The following PCDHA6 variants were observed in gnomAD, a reference collection of about 807,000 sequenced individuals.
PCDHA6 encodes protocadherin alpha 6.
Under a neutral mutation model 60.3 loss-of-function variants are expected in PCDHA6, and 55 were observed. The observed-to-expected ratio is 0.91, with a 90% CI of 0.73 to 1.14. The LOEUF (loss-of-function observed/expected upper bound fraction) is 1.14, where lower values mean the gene tolerates loss of function less well. PCDHA6 is among the 50% of genes most tolerant of loss of function. PCDHA6 has a pLI of 0.00. For synonymous variants in PCDHA6, 652 were observed against 557.9 expected (o/e 1.17, Z -2.38); for missense variants, 1,327 against 1,256.5 (o/e 1.06, Z -0.85).
At chr5:140,959,494 T>G (rs2153722388) in intron 1 of PCDHA6, among the ~76,000 whole-genome samples, 1 of 152,286 alleles carries the variant, frequency 6.6e-6, no homozygotes, top group South Asian at 2.1e-4. Flanking sequence ...TATATATGGA[T>G]CAAACTAAAA....
In PCDHA6 at chr5:141,005,071, G is replaced by A. The variant is rs115656219; in HGVS notation, c.2543-4556G>A. On this transcript the variant is annotated intron_variant, in intron 3 of 3. Coordinates refer to ENST00000529310, the MANE Select transcript of PCDHA6 (RefSeq NM_018909.4). ...TACTGAATTCTTGCATTGTGCTAAG[G>A]ATCAAGCTTAGTACTTTACATGCAT... 5.2e-3 allele frequency among the ~76,000 whole-genome samples: 796 copies of A among 152,278 alleles called. 8 individuals are homozygous for A. The highest frequency in any genetic ancestry group is 0.018 in the African/African-American group (745 of 41,556).
chr5:140,986,397 C>G (rs943993265), intron 3 of PCDHA6, among the ~76,000 whole-genome samples: 1 of 152,162 alleles, frequency 6.6e-6, no homozygotes. Context: ...AAGGGCCAGT[C>G]GCTCATGTTA....
At chr5:140,952,349 A>T (rs1554220373) in intron 1 of PCDHA6, among the ~76,000 whole-genome samples, 2 of 152,000 alleles carry the variant, frequency 1.3e-5, no homozygotes, top group African/African-American at 4.8e-5. Flanking sequence ...AAAAAAAAAA[A>T]AAAAAGAAAG....
chr5:141,006,789 CT>C (rs2098288759), intron 3 of PCDHA6, among the ~76,000 whole-genome samples: 2 of 152,026 alleles, frequency 1.3e-5, no homozygotes, highest in Admixed American at 6.5e-5. Flanking sequence ...GAATAATTAG[CT>C]TTGAACTTTC....
At chr5:140,923,266 T>C (rs184590818) in intron 1 of PCDHA6, among the ~76,000 whole-genome samples, 1 of 152,284 alleles carries the variant, frequency 6.6e-6, no homozygotes, top group African/African-American at 2.4e-5. Context: ...TAGTGAGACC[T>C]TGTCTCTACA....
chr5:140,882,284 C>T (rs782560108), intron 1 of PCDHA6: 7 of 1,612,734 alleles, frequency 4.3e-6, no homozygotes, highest in Non-Finnish European at 5.9e-6. Context: ...GTCTTCCTGG[C>T]AAGGAGGCCC....
Position 140,863,381 on chromosome 5 carries a change from G to A in PCDHA6, c.2394+32896G>A, listed in dbSNP as rs1186134797. 4 of 1,058,516 alleles carry A rather than the reference G, an allele frequency of 3.8e-6. No homozygotes were observed. In the African/African-American group the frequency reaches 4.8e-5, roughly 13 times the overall value. 65.6% of individuals were successfully genotyped at this position (1,058,516 alleles called of 1,614,324 possible). ...CGGTGCTTGGCGCAGCTCACCGAGAGCTCGTGCATGCCGGGCAAGCCCACG... is the reference window on the plus strand; with the variant it reads ...CGGTGCTTGGCGCAGCTCACCGAGAACTCGTGCATGCCGGGCAAGCCCACG... On this transcript the variant is annotated intron_variant, in intron 1 of 3. Transcript: ENST00000529310.
intron 1 of PCDHA6, among the ~76,000 whole-genome samples, chr5:140,941,369 T>C (rs2093052615): frequency 6.8e-6 from 1 of 147,356 alleles, no homozygotes; most frequent in Non-Finnish European, 1.5e-5. Context: ...TAGGCTGGAG[T>C]GTAGTGACAG....
intron 3 of PCDHA6, among the ~76,000 whole-genome samples, chr5:140,983,854 T>A (rs1554245766): frequency 6.6e-6 from 1 of 152,206 alleles, no homozygotes; most frequent in Non-Finnish European, 1.5e-5. Flanking sequence ...TTAAGTAACA[T>A]GCAGCTAAGG....
chr5:140,865,532 C>T (rs1340228056), intron 1 of PCDHA6: 1 of 152,096 alleles, frequency 6.6e-6, no homozygotes, highest in Non-Finnish European at 1.5e-5. Context: ...TTCTCTTCAT[C>T]CATAGCTATA....
chr5:140,828,529 G>T lies in PCDHA6; in HGVS notation c.438G>T (p.Arg146Ser). The change falls in exon 1 of 4, where the codon AGG becomes AGT. Residue 146 changes from arginine to serine, a missense_variant. Coordinates refer to ENST00000529310, the MANE Select transcript of PCDHA6 (RefSeq NM_018909.4). ...EEQRVLIYES[R>S]LPDSVFPLEG... Reference sequence around the variant, plus strand: ...AAAGAGTGCTGATTTACGAATCTAGGCTGCCAGATTCTGTGTTTCCACTGG... The same window carrying T: ...AAAGAGTGCTGATTTACGAATCTAGTCTGCCAGATTCTGTGTTTCCACTGG... 1 of 1,614,222 alleles carries T rather than the reference G, an allele frequency of 6.2e-7. No individual in the cohort carries two copies. Among genetic ancestry groups the T allele is most frequent in the Non-Finnish European group, 8.5e-7 (1 of 1,180,038 alleles).
Position 140,829,695 on chromosome 5 carries a change from T to C in PCDHA6, c.1604T>C (p.Val535Ala). Residue 535 changes from valine (V) to alanine (A), a missense_variant, in exon 1 of 4, where the codon GTG (valine) becomes GCG (alanine). Coordinates refer to ENST00000529310, the MANE Select transcript of PCDHA6 (RefSeq NM_018909.4). ...HEELELLQFQ[V>A]SARDAGVPPL... ...GAGCTAGAGCTGCTGCAGTTTCAGG[T>C]GAGCGCGCGCGACGCGGGCGTGCCG... The C allele has an allele frequency of 6.2e-7, 1 of 1,613,284 alleles. No individual in the cohort carries two copies. Among genetic ancestry groups the C allele is most frequent in the Non-Finnish European group, 8.5e-7 (1 of 1,179,864 alleles).
intron 1 of PCDHA6, chr5:140,870,796 C>A (rs1581985922): frequency 6.2e-7 from 1 of 1,613,576 alleles, no homozygotes; most frequent in South Asian, 1.1e-5. Context: ...GCCGGCACTG[C>A]TGGCGACTCA....
At chr5:140,876,048 T>G in intron 1 of PCDHA6, 1 of 1,613,930 alleles carries the variant, frequency 6.2e-7, no homozygotes, top group Non-Finnish European at 8.5e-7. Context: ...GTATATTGCC[T>G]GAATTAGTTC....
intron 1 of PCDHA6, among the ~76,000 whole-genome samples, chr5:140,918,282 C>CT (rs1554198523): frequency 6.6e-6 from 1 of 152,016 alleles, no homozygotes; most frequent in African/African-American, 2.4e-5. Context: ...GATGTAGGAG[C>CT]TTTTTGGCAG....
At chr5:140,962,622 G>A (rs1389569825) in intron 1 of PCDHA6, among the ~76,000 whole-genome samples, 2 of 152,130 alleles carry the variant, frequency 1.3e-5, no homozygotes, top group African/African-American at 2.4e-5. Context: ...AGGGAGATGT[G>A]AAAAAATTTA....
intron 1 of PCDHA6, among the ~76,000 whole-genome samples, chr5:140,833,509 G>A (rs2150209186): frequency 1.1e-3 from 173 of 152,196 alleles, no homozygotes; most frequent in African/African-American, 4.1e-3. Context: ...GTAAAAATAG[G>A]CATATATTCA....
At chr5:140,877,490 G>T (rs2057160256) in intron 1 of PCDHA6, 2 of 1,613,718 alleles carry the variant, frequency 1.2e-6, no homozygotes, top group Non-Finnish European at 1.7e-6. Flanking sequence ...GTGGAGAACG[G>T]CCAGGCCCCA....
In PCDHA6 at chr5:140,971,294, T is replaced by C. The variant is rs3776113; in HGVS notation, c.2395-7655T>C. Reference sequence around the variant, plus strand: ...CTGACCTGTATATTAATATGTACTTTGGTACACAAACATTTAATCTAGGGA... The same window carrying C: ...CTGACCTGTATATTAATATGTACTTCGGTACACAAACATTTAATCTAGGGA... On this transcript the variant is annotated intron_variant, in intron 1 of 3. Transcript: ENST00000529310. Among the ~76,000 whole-genome samples the C allele has an allele frequency of 6.4e-4, 97 of 152,362 alleles. No individual in the cohort carries two copies. In the East Asian group the frequency reaches 0.018, roughly 28 times the overall value.
Sources: allele counts gnomAD v4.1 joint callset (sites outside exome capture counted in the v4.1 genomes callset), GRCh38; gene constraint gnomAD v4.1.1; transcripts MANE v1.5; gene names NCBI Gene and HGNC (gene_info 2026-07-23, HGNC 2026-07-21).